The following PRKN variants were observed in gnomAD, a reference collection of about 807,000 sequenced individuals.
PRKN encodes the protein E3 ubiquitin-protein ligase parkin.
A neutral mutation model predicts 59.5 loss-of-function variants in PRKN; 56 were observed. The observed-to-expected ratio is 0.94, with a 90% CI of 0.76 to 1.18. The LOEUF is 1.18. Among genes scored for constraint, PRKN ranks in the 50% most tolerant of loss-of-function variants. The pLI is 0.00. For synonymous variants in PRKN, 250 were observed against 222.1 expected, an observed-to-expected ratio of 1.13 and a Z score of -1.12; for missense variants, 657 against 596.4, an observed-to-expected ratio of 1.10 and a Z score of -1.06.
intron 1 of PRKN, among the ~76,000 whole-genome samples, chr6:162,592,457 T>C (rs964321081): frequency 6.6e-6 from 1 of 152,216 alleles, no homozygotes; most frequent in Non-Finnish European, 1.5e-5. Context: ...ATCTGGTTAC[T>C]TGTCCCCATT....
At chr6:162,021,211 T>C (rs1283985629) in intron 5 of PRKN, among the ~76,000 whole-genome samples, 1 of 141,166 alleles carries the variant, frequency 7.1e-6, no homozygotes, top group Non-Finnish European at 1.5e-5. Flanking sequence ...ATATAATATA[T>C]AACATCTATA....
At chr6:162,554,513 A>G (rs1779472360) in intron 1 of PRKN, among the ~76,000 whole-genome samples, 2 of 152,088 alleles carry the variant, frequency 1.3e-5, no homozygotes, top group South Asian at 2.1e-4. Flanking sequence ...TAAATAAATA[A>G]ATAAAAAAGA....
intron 4 of PRKN, among the ~76,000 whole-genome samples, chr6:162,057,360 G>C (rs1160844416): frequency 3.9e-5 from 6 of 152,164 alleles, no homozygotes; most frequent in Non-Finnish European, 7.3e-5. Context: ...AGAAATGTGA[G>C]GACTTGGAAG....
At chr6:162,097,728 C>T (rs1007834136) in intron 4 of PRKN, among the ~76,000 whole-genome samples, 4 of 152,144 alleles carry the variant, frequency 2.6e-5, no homozygotes, top group Non-Finnish European at 5.9e-5. Flanking sequence ...ATTTTATATG[C>T]ATTACTCTAC....
In PRKN at chr6:162,080,066, T is replaced by C. The variant is rs372600359; in HGVS notation, c.535-25892A>G. Among the ~76,000 whole-genome samples, 16 of 152,250 alleles carry C rather than the reference T, an allele frequency of 1.1e-4. 1 individual carries two copies. Among genetic ancestry groups the C allele is most frequent in the African/African-American group, 3.9e-4 (16 of 41,490 alleles). ...ATTCTTCCCCAGCAACTGAGACTGA[T>C]GGAAACAAGTTTCTCAGTTTCAAAT... On this transcript the variant is annotated intron_variant, in intron 4 of 11. Coordinates refer to ENST00000366898, the MANE Select transcript of PRKN (RefSeq NM_004562.3).
chr6:162,696,643 C>A (rs918329023), intron 1 of PRKN, among the ~76,000 whole-genome samples: 1 of 145,260 alleles, frequency 6.9e-6, no homozygotes, highest in African/African-American at 2.6e-5. Context: ...TGGCTCACTG[C>A]ACTCCCAGGC....
At chr6:161,770,600 T>A (rs1292213260) in intron 7 of PRKN, among the ~76,000 whole-genome samples, 1 of 152,074 alleles carries the variant, frequency 6.6e-6, no homozygotes, top group Non-Finnish European at 1.5e-5. Context: ...CCCGAGTAGC[T>A]GGGATTACAG....
At chr6:162,201,041 G>T in intron 4 of PRKN, 90 bp downstream of exon 4, 1 of 1,356,090 alleles carries the variant, frequency 7.4e-7, no homozygotes, top group Non-Finnish European at 1.1e-6. Flanking sequence ...TTTCAAAGAC[G>T]GGTGATACAT....
chr6:162,713,260 C>T (rs918263593), intron 1 of PRKN, among the ~76,000 whole-genome samples: 2 of 151,988 alleles, frequency 1.3e-5, no homozygotes, highest in Admixed American at 6.6e-5. Context: ...TTTGGGAGAC[C>T]GAGGCGGGCG....
At chr6:161,557,538 G>A (rs1264273413) in intron 8 of PRKN, among the ~76,000 whole-genome samples, 2 of 152,122 alleles carry the variant, frequency 1.3e-5, no homozygotes, top group African/African-American at 4.8e-5. Flanking sequence ...CACCTGAGAA[G>A]TGTGGCTATG....
intron 1 of PRKN, among the ~76,000 whole-genome samples, chr6:162,612,733 C>T (rs889945352): frequency 2.6e-5 from 4 of 151,806 alleles, no homozygotes; most frequent in East Asian, 1.9e-4. Flanking sequence ...GTTACAGTGT[C>T]CCCAGAGTTA....
intron 2 of PRKN, among the ~76,000 whole-genome samples, chr6:162,372,334 C>A (rs1785812373): frequency 6.6e-6 from 1 of 152,092 alleles, no homozygotes; most frequent in Non-Finnish European, 1.5e-5. Context: ...AGTAAACATC[C>A]CAGAAACTTG....
chr6:161,638,738 A>ATT lies in PRKN; in HGVS notation c.872-69324_872-69323dup, dbSNP rs386409169. On this transcript the variant is annotated intron_variant, in intron 7 of 11. Coordinates refer to ENST00000366898, the MANE Select transcript of PRKN (RefSeq NM_004562.3). ...AGTGAGTGAGTTCTCACGAGATCTG[A>ATT]TTTTTTTTTTTTTTTTTTTTTGAGA... Among the ~76,000 whole-genome samples, 63 of 100,176 alleles carry ATT rather than the reference A, an allele frequency of 6.3e-4. 6 individuals are homozygous for ATT. The highest frequency in any genetic ancestry group is 1.9e-3 in the African/African-American group (42 of 22,292). The allele number at this position is 100,176 out of a possible 152,430, so 65.7% of individuals were successfully genotyped here. A position where few individuals can be genotyped will look rare whatever the true frequency, so the allele number is the denominator to read the frequency against.
At chr6:162,592,777 A>G (rs1435215084) in intron 1 of PRKN, among the ~76,000 whole-genome samples, 6 of 151,082 alleles carry the variant, frequency 4.0e-5, no homozygotes, top group Non-Finnish European at 7.4e-5. Flanking sequence ...AAGGATCAAA[A>G]GAGTGGGACA....
chr6:162,418,556 T>G (rs1788764846), intron 2 of PRKN, among the ~76,000 whole-genome samples: 1 of 151,474 alleles, frequency 6.6e-6, no homozygotes, highest in Non-Finnish European at 1.5e-5. Context: ...AATTGGAGTG[T>G]TCCTGGAGCT....
intron 5 of PRKN, among the ~76,000 whole-genome samples, chr6:161,993,535 G>T: frequency 6.6e-6 from 1 of 152,126 alleles, no homozygotes; most frequent in East Asian, 1.9e-4. Context: ...AAAGCTAAAA[G>T]CAATTCTTAA....
At chr6:162,665,308 T>C (rs1478420664) in intron 1 of PRKN, among the ~76,000 whole-genome samples, 2 of 152,086 alleles carry the variant, frequency 1.3e-5, no homozygotes, top group East Asian at 1.9e-4. Context: ...CAAAAACTTC[T>C]TGAACTGATA....
At chr6:162,296,774 C>T (rs962495626) in intron 2 of PRKN, among the ~76,000 whole-genome samples, 1 of 152,116 alleles carries the variant, frequency 6.6e-6, no homozygotes. Context: ...GAAGGAAACT[C>T]ATGTTGAATT....
chr6:161,615,913 C>T (rs1056480622), intron 7 of PRKN, among the ~76,000 whole-genome samples: 2 of 152,202 alleles, frequency 1.3e-5, no homozygotes, highest in African/African-American at 2.4e-5. Flanking sequence ...AGGAAAATCA[C>T]CCTCTCTCGG....
Sources: gnomAD v4.1 joint callset for allele counts (sites outside exome capture counted in the v4.1 genomes callset) on GRCh38, gnomAD v4.1.1 for gene constraint, MANE v1.5 for transcripts, NCBI Gene and HGNC (gene_info 2026-07-23, HGNC 2026-07-21) for gene names.